The following IHO1 variants were observed in gnomAD, a reference collection of about 807,000 sequenced individuals.
The protein encoded by IHO1 is interactor of HORMAD1 protein 1.
Under a neutral mutation model 31.0 loss-of-function variants are expected in IHO1, and 13 were observed. The observed-to-expected ratio is 0.42, with a 90% CI of 0.27 to 0.67. IHO1 has a LOEUF of 0.67. Among genes scored for constraint, IHO1 ranks in the 30% least tolerant of loss-of-function variants. The pLI, the probability that IHO1 is intolerant of heterozygous loss-of-function variation, is 0.24. For synonymous variants in IHO1, 221 were observed against 248.4 expected (o/e 0.89, Z 1.04); for missense variants, 599 against 687.5 (o/e 0.87, Z 1.44).
chr3:49,254,404 T>C (rs1264936977), intron 6 of IHO1, among the ~76,000 whole-genome samples: 1 of 152,022 alleles, frequency 6.6e-6, no homozygotes. Flanking sequence ...AGTGTAAGTA[T>C]GGGATAAATA....
At chr3:49,233,532 A>G (rs2046508462) in intron 2 of IHO1, among the ~76,000 whole-genome samples, 1 of 152,170 alleles carries the variant, frequency 6.6e-6, no homozygotes, top group African/African-American at 2.4e-5. Context: ...AGATAAAGAC[A>G]CTTGGAGGCC....
intron 1 of IHO1, among the ~76,000 whole-genome samples, chr3:49,200,131 A>C (rs943568939): frequency 6.6e-6 from 1 of 152,134 alleles, no homozygotes; most frequent in Admixed American, 6.5e-5. Context: ...AACTTTCTGC[A>C]GTGGAGGAAC....
intron 6 of IHO1, among the ~76,000 whole-genome samples, chr3:49,247,050 T>C (rs949500987): frequency 1.3e-5 from 2 of 151,844 alleles, no homozygotes; most frequent in Non-Finnish European, 2.9e-5. Flanking sequence ...GGTTTCACCA[T>C]GTTGGCCAGG....
At chr3:49,192,065 A>G in the IHO1 span, among the ~76,000 whole-genome samples, 1 of 152,240 alleles carries the variant, frequency 6.6e-6, no homozygotes, top group Non-Finnish European at 1.5e-5. Context: ...TTCGCAGCCA[A>G]TGAAATATTC....
At chr3:49,204,223 T>C (rs1449303821) in intron 1 of IHO1, among the ~76,000 whole-genome samples, 1 of 152,112 alleles carries the variant, frequency 6.6e-6, no homozygotes, top group Non-Finnish European at 1.5e-5. Flanking sequence ...ACTATCACAA[T>C]GGTAATTAAA....
At position 49,257,435 on chromosome 3, in the gene IHO1, C is replaced by T. The variant is rs930130762; in HGVS notation, c.*153C>T. On this transcript the variant is annotated 3_prime_UTR_variant, in exon 8 of 8. Transcript: ENST00000452691. ...AATGAGCACGAGGGCAGGGAAGGTC[C>T]AGCATTCTGGGTACCAGGTGCTGCC... 5.3e-5 allele frequency: 38 copies of T among 720,678 alleles called. No homozygotes were observed. The highest frequency in any genetic ancestry group is 7.7e-5 in the Non-Finnish European group (33 of 426,540). 44.6% of individuals were successfully genotyped at this position (720,678 alleles called of 1,614,324 possible).
intron 6 of IHO1, among the ~76,000 whole-genome samples, chr3:49,246,901 C>T (rs1186204141): frequency 1.3e-5 from 2 of 151,206 alleles, no homozygotes; most frequent in East Asian, 3.9e-4. Flanking sequence ...GTCCCCCAGG[C>T]TGGAGTGCGA....
chr3:49,245,936 C>T (rs894384987), intron 6 of IHO1, among the ~76,000 whole-genome samples: 13 of 152,002 alleles, frequency 8.6e-5, no homozygotes, highest in Admixed American at 1.3e-4. Context: ...GTAATCCTAG[C>T]ACTTTGGGAG....
At chr3:49,210,709 T>C (rs867867632) in intron 1 of IHO1, among the ~76,000 whole-genome samples, 7 of 149,582 alleles carry the variant, frequency 4.7e-5, no homozygotes, top group Non-Finnish European at 7.4e-5. Flanking sequence ...TTTTTTTTTT[T>C]TTTTTGAGAT....
intron 2 of IHO1, chr3:49,214,057 C>CT (rs940056872): frequency 4.2e-5 from 11 of 263,620 alleles, no homozygotes; most frequent in African/African-American, 1.1e-4. Context: ...TCTTCTTGTG[C>CT]TTTTTTTATT....
At chr3:49,198,745 GCTTT>G (rs2046018583), upstream of IHO1, 2 of 152,220 alleles carry the variant, frequency 1.3e-5, no homozygotes, top group Non-Finnish European at 2.9e-5. Flanking sequence ...CATGTTTTTT[GCTTT>G]CTAAGTCATC....
At chr3:49,196,392 C>T (rs1307015163), upstream of IHO1, among the ~76,000 whole-genome samples, 2 of 149,142 alleles carry the variant, frequency 1.3e-5, no homozygotes, top group African/African-American at 4.9e-5. Flanking sequence ...GATCTCGGCT[C>T]ACTGCAACCT....
chr3:49,257,550 C>T lies in IHO1; in HGVS notation c.*268C>T, dbSNP rs530280055. 2 of 402,762 alleles carry T rather than the reference C, an allele frequency of 5.0e-6. No individual in the cohort carries two copies. Among genetic ancestry groups the T allele is most frequent in the East Asian group, 9.8e-5 (2 of 20,442 alleles). 24.9% of individuals were successfully genotyped at this position (402,762 alleles called of 1,614,324 possible). On this transcript the variant is annotated 3_prime_UTR_variant, in exon 8 of 8. Coordinates refer to ENST00000452691, the MANE Select transcript of IHO1 (RefSeq NM_001135197.2). Reference sequence around the variant, plus strand: ...CTGAGGCAGCAGCCTGGTTGTGGGGCATCTGGAGCAGGGTGCCTGTACTTT... The same window carrying T: ...CTGAGGCAGCAGCCTGGTTGTGGGGTATCTGGAGCAGGGTGCCTGTACTTT...
intron 1 of IHO1, among the ~76,000 whole-genome samples, chr3:49,211,201 G>A (rs985577412): frequency 2.7e-5 from 4 of 148,042 alleles, no homozygotes; most frequent in African/African-American, 9.8e-5. Context: ...GTAGAGACGG[G>A]GTTTCACCCT....
At chr3:49,241,135 C>A (rs1261951442) in intron 3 of IHO1, 91 bp from the exon 4 acceptor site, 2 of 953,212 alleles carry the variant, frequency 2.1e-6, no homozygotes, top group Non-Finnish European at 3.0e-6. Flanking sequence ...ATATGGTTTG[C>A]ACTTAAATGT....
intron 6 of IHO1, among the ~76,000 whole-genome samples, chr3:49,246,563 G>T (rs960926670): frequency 2.0e-5 from 3 of 151,940 alleles, no homozygotes; most frequent in Non-Finnish European, 4.4e-5. Context: ...CAGGAGAATC[G>T]CTTGAACCCA....
In IHO1 at chr3:49,241,236, G is replaced by A. The variant is rs1428231297; in HGVS notation, c.242G>A (p.Ser81Asn). ...SQQNYLEGEP[S>N]IFTKYQTKPQ... is the part of the protein sequence containing the mutation. Reference sequence around the variant, plus strand: ...TTTTTCATTTAACAGGGTGAACCTAGCATTTTCACAAAGTACCAGACAAAG... The same window carrying A: ...TTTTTCATTTAACAGGGTGAACCTAACATTTTCACAAAGTACCAGACAAAG... Residue 81 changes from serine (S) to asparagine (N), a missense_variant, in exon 4 of 8, where the codon AGC (serine) becomes AAC (asparagine). Coordinates refer to ENST00000452691, the MANE Select transcript of IHO1 (RefSeq NM_001135197.2). 20 of 1,597,496 alleles carry A rather than the reference G, an allele frequency of 1.3e-5. No homozygotes were observed. The highest frequency in any genetic ancestry group is 9.0e-5 in the Admixed American group (5 of 55,840).
chr3:49,244,720 T>A lies in IHO1; in HGVS notation c.519T>A (p.Thr173=). ...RSQSILDSLE[T]VAKTLQETIQ... ...AATCTATTTTGGATTCTTTGGAGAC[T>A]GTGGCCAAGACATGTGAGTGCCTCA... The change falls in exon 6 of 8, where the codon ACT becomes ACA. Residue 173 remains threonine, a synonymous_variant. Coordinates refer to ENST00000452691, the MANE Select transcript of IHO1 (RefSeq NM_001135197.2). The A allele has an allele frequency of 2.5e-6, 4 of 1,614,096 alleles. No homozygotes were observed. The highest frequency in any genetic ancestry group is 3.4e-6 in the Non-Finnish European group (4 of 1,179,960).
At position 49,211,978 on chromosome 3, in the gene IHO1, C is replaced by G. The variant is rs967532060; in HGVS notation, c.56+142C>G. 16 of 491,136 alleles carry G rather than the reference C, an allele frequency of 3.3e-5. No homozygotes were observed. The Admixed American group carries it at 3.8e-4, about 12-fold the overall frequency. The allele number at this position is 491,136 out of a possible 1,614,324, so 30.4% of individuals were successfully genotyped here. A position where few individuals can be genotyped will look rare whatever the true frequency, so the allele number is the denominator to read the frequency against. On this transcript the variant is annotated intron_variant, in intron 2 of 7. Coordinates refer to ENST00000452691, the MANE Select transcript of IHO1 (RefSeq NM_001135197.2). The stretch of plus-strand genomic sequence containing the variant: ...GAGATCAGGACCATCCTGGCTAACA[C>G]GGTGAAACCCCGTCTCTACTAAAAA...
Sources: allele counts gnomAD v4.1 joint callset (sites outside exome capture counted in the v4.1 genomes callset), GRCh38; gene constraint gnomAD v4.1.1; transcripts MANE v1.5; gene names NCBI Gene and HGNC (gene_info 2026-07-23, HGNC 2026-07-21).